NPY2R: variants seen among roughly 807,000 people sequenced by gnomAD.
NPY2R encodes the protein neuropeptide Y receptor type 2.
Under a neutral mutation model 22.3 loss-of-function variants are expected in NPY2R, and 17 were observed. The ratio of observed to expected loss-of-function variants is 0.76; its 90% CI spans 0.52 to 1.14. The LOEUF (loss-of-function observed/expected upper bound fraction) is 1.14, where lower values mean the gene tolerates loss of function less well. NPY2R is among the 50% of genes most tolerant of loss of function. The pLI is 0.00. For missense variants in NPY2R, 424 were observed against 467.9 expected (o/e 0.91, Z 0.87); for synonymous variants, 209 against 183.4 (o/e 1.14, Z -1.13).
At chr4:155,188,834 T>C in the NPY2R span, among the ~76,000 whole-genome samples, 1 of 152,264 alleles carries the variant, frequency 6.6e-6, no homozygotes, top group Non-Finnish European at 1.5e-5. Context: ...ACTGTAGCCT[T>C]GTGAGATATC....
chr4:155,182,213 CA>C, the NPY2R span, among the ~76,000 whole-genome samples: 1 of 152,108 alleles, frequency 6.6e-6, no homozygotes, highest in Non-Finnish European at 1.5e-5. Flanking sequence ...ACACCACCAC[CA>C]AAAGGAAAAG....
chr4:155,187,811 A>G, the NPY2R span, among the ~76,000 whole-genome samples: 1 of 152,204 alleles, frequency 6.6e-6, no homozygotes, highest in Non-Finnish European at 1.5e-5. Context: ...CATTACAAAT[A>G]AGATTGTCAA....
the NPY2R span, among the ~76,000 whole-genome samples, chr4:155,175,389 C>A: frequency 6.6e-6 from 1 of 151,956 alleles, no homozygotes; most frequent in African/African-American, 2.4e-5. Context: ...CAGTTAAACC[C>A]CAATGAAGAA....
At position 155,214,396 on chromosome 4, in the gene NPY2R, G is replaced by T; in HGVS notation, c.457G>T (p.Val153Phe). The T allele has an allele frequency of 6.2e-7, 1 of 1,613,972 alleles. No individual in the cohort carries two copies. The highest frequency in any genetic ancestry group is 8.5e-7 in the Non-Finnish European group (1 of 1,180,008). ...VIALDRHRCI[V>F]YHLESKISKR... Reference sequence around the variant, plus strand: ...TGCCCTGGACCGGCACAGGTGCATCGTCTACCACCTAGAGAGCAAGATCTC... The same window carrying T: ...TGCCCTGGACCGGCACAGGTGCATCTTCTACCACCTAGAGAGCAAGATCTC... The change falls in exon 2 of 2, where the codon GTC (valine) becomes TTC (phenylalanine). Residue 153 changes from valine to phenylalanine, a missense_variant. Val to Phe is a conservative substitution (Grantham distance 50). Coordinates refer to ENST00000329476, the MANE Select transcript of NPY2R (RefSeq NM_000910.4).
At chr4:155,196,822 G>A in the NPY2R span, among the ~76,000 whole-genome samples, 1 of 151,876 alleles carries the variant, frequency 6.6e-6, no homozygotes, top group Non-Finnish European at 1.5e-5. Flanking sequence ...AGCACCTCCG[G>A]TGATTCTAAT....
At chr4:155,205,804 GCTATCTATCTATCTATCTAT>G (rs3836609), upstream of NPY2R, among the ~76,000 whole-genome samples, 37 of 147,038 alleles carry the variant, frequency 2.5e-4, no homozygotes, top group African/African-American at 8.3e-4. Flanking sequence ...GAGTCAGGCT[GCTATCTATCTATCTATCTAT>G]CTATCTATCT....
the NPY2R span, among the ~76,000 whole-genome samples, chr4:155,201,487 G>T: frequency 4.8e-4 from 73 of 152,230 alleles, 1 homozygote; most frequent in South Asian, 1.0e-3. Flanking sequence ...ACATGGATCA[G>T]AGATGAACCG....
chr4:155,189,314 C>T, the NPY2R span, among the ~76,000 whole-genome samples: 1 of 151,982 alleles, frequency 6.6e-6, no homozygotes, highest in Non-Finnish European at 1.5e-5. Context: ...CAAAGGCATC[C>T]TGCACTATAT....
At chr4:155,185,777 G>T in the NPY2R span, among the ~76,000 whole-genome samples, 1 of 44,424 alleles carries the variant, frequency 2.3e-5, no homozygotes, top group Non-Finnish European at 3.9e-5. Flanking sequence ...TGTGCCTGGT[G>T]GGTGAATAAT....
chr4:155,185,042 A>AT, the NPY2R span, among the ~76,000 whole-genome samples: 5 of 90,178 alleles, frequency 5.5e-5, no homozygotes, highest in African/African-American at 2.2e-4. Flanking sequence ...ATATATATAT[A>AT]TATTTTTTTT....
chr4:155,214,926 C>T lies in NPY2R; in HGVS notation c.987C>T (p.Asn329=), dbSNP rs994150969. ...FANPLLYGWM[N]SNYRKAFLSA... ...ATCCCCTTCTCTATGGCTGGATGAA[C>T]AGCAACTACAGAAAGGCTTTCCTCT... Residue 329 remains asparagine (N), a synonymous_variant, in exon 2 of 2, where the codon AAC becomes AAT. Transcript: ENST00000329476. The T allele has an allele frequency of 6.2e-7, 1 of 1,613,990 alleles. No homozygotes were observed.
rs1231279452 is a variant in NPY2R, at chr4:155,215,883, A to G, written c.*798A>G. The G allele has an allele frequency of 2.9e-4, 49 of 167,044 alleles. No homozygotes were observed. The highest frequency in any genetic ancestry group is 6.5e-5 in the Admixed American group (1 of 15,286). The allele number at this position is 167,044 out of a possible 1,614,324, so 10.3% of individuals were successfully genotyped here. A position where few individuals can be genotyped will look rare whatever the true frequency, so the allele number is the denominator to read the frequency against. On this transcript the variant is annotated 3_prime_UTR_variant, in exon 2 of 2. Transcript: ENST00000329476. Reference sequence around the variant, plus strand: ...TTAGATAACAAGAATACAACTTGATACTTTTATTGTTATACCTTTTTGAAC... The same window carrying G: ...TTAGATAACAAGAATACAACTTGATGCTTTTATTGTTATACCTTTTTGAAC...
chr4:155,180,863 TATAA>T, the NPY2R span, among the ~76,000 whole-genome samples: 5 of 151,628 alleles, frequency 3.3e-5, no homozygotes, highest in African/African-American at 9.7e-5. Flanking sequence ...ATTTATTATA[TATAA>T]ATAGATTATA....
At chr4:155,192,049 C>A in the NPY2R span, among the ~76,000 whole-genome samples, 1 of 151,838 alleles carries the variant, frequency 6.6e-6, no homozygotes, top group African/African-American at 2.4e-5. Flanking sequence ...TTCATCTTAT[C>A]TTTCTGAGTT....
the NPY2R span, among the ~76,000 whole-genome samples, chr4:155,191,335 A>G: frequency 4.6e-5 from 7 of 151,932 alleles, no homozygotes; most frequent in African/African-American, 1.4e-4. Context: ...AATAGGAGGT[A>G]CAAAAGCACA....
In NPY2R at chr4:155,214,713, C is replaced by G. The variant is rs1371362934; in HGVS notation, c.774C>G (p.His258Gln). ...NHVSPGAAND[H>Q]YHQRRQKTTK... ...TCAGTCCTGGAGCTGCAAATGACCA[C>G]TACCATCAGCGAAGGCAAAAAACCA... The change falls in exon 2 of 2, where the codon CAC becomes CAG. Residue 258 changes from histidine to glutamine, a missense_variant. Transcript: ENST00000329476. The G allele has an allele frequency of 3.7e-6, 6 of 1,614,240 alleles. No homozygotes were observed. Among genetic ancestry groups the G allele is most frequent in the Admixed American group, 1.7e-5 (1 of 60,032 alleles).
At chr4:155,192,625 G>T in the NPY2R span, among the ~76,000 whole-genome samples, 1 of 151,738 alleles carries the variant, frequency 6.6e-6, no homozygotes, top group Admixed American at 6.6e-5. Flanking sequence ...AAAATTAATT[G>T]CTTAACAGCT....
At chr4:155,210,680 C>T (rs1302779925) in intron 1 of NPY2R, among the ~76,000 whole-genome samples, 1 of 152,108 alleles carries the variant, frequency 6.6e-6, no homozygotes, top group African/African-American at 2.4e-5. Flanking sequence ...GCTGGGGCTC[C>T]TTGGAATGTT....
chr4:155,187,196 T>C, the NPY2R span, among the ~76,000 whole-genome samples: 1 of 152,202 alleles, frequency 6.6e-6, no homozygotes. Flanking sequence ...AATTAATCAC[T>C]GAAACGCACT....
Sources: allele counts gnomAD v4.1 joint callset (sites outside exome capture counted in the v4.1 genomes callset), GRCh38; gene constraint gnomAD v4.1.1; transcripts MANE v1.5; gene names NCBI Gene and HGNC (gene_info 2026-07-23, HGNC 2026-07-21).